Variants in LRRC1 observed in about 807,000 individuals in gnomAD.
LRRC1 encodes the protein leucine rich repeat containing 1.
In LRRC1, 28 loss-of-function variants were observed where a neutral mutation model predicts 69.9. The ratio of observed to expected loss-of-function variants is 0.40; its 90% CI spans 0.30 to 0.55. LRRC1 has a LOEUF of 0.55. Among genes scored for constraint, LRRC1 ranks in the 20% least tolerant of loss-of-function variants. LRRC1 has a pLI of 0.47. For synonymous variants in LRRC1, 236 were observed against 240.2 expected (o/e 0.98, Z 0.16); for missense variants, 498 against 609.0 (o/e 0.82, Z 1.92).
At chr6:53,805,313 G>A (rs1764606819) in intron 1 of LRRC1, among the ~76,000 whole-genome samples, 1 of 152,124 alleles carries the variant, frequency 6.6e-6, no homozygotes, top group African/African-American at 2.4e-5. Context: ...TGCAGACGGG[G>A]AGCTTTTGTG....
At chr6:53,876,715 A>G (rs760825985) in intron 2 of LRRC1, among the ~76,000 whole-genome samples, 1 of 152,202 alleles carries the variant, frequency 6.6e-6, no homozygotes, top group Non-Finnish European at 1.5e-5. Context: ...CTTTGACTCC[A>G]TGTCTCACAT....
At chr6:53,907,677 T>C (rs1353189889) in intron 10 of LRRC1, among the ~76,000 whole-genome samples, 1 of 152,162 alleles carries the variant, frequency 6.6e-6, no homozygotes, top group East Asian at 1.9e-4. Flanking sequence ...AGATTCACAT[T>C]GGCTGACTGC....
intron 4 of LRRC1, among the ~76,000 whole-genome samples, chr6:53,895,206 C>G (rs1178384508): frequency 6.6e-6 from 1 of 152,182 alleles, no homozygotes; most frequent in East Asian, 1.9e-4. Context: ...GGGTGAGCCA[C>G]CGCGCCCGGC....
chr6:53,905,324 ACT>A (rs1170265567), intron 10 of LRRC1: 1 of 136,010 alleles, frequency 7.4e-6, no homozygotes, highest in Non-Finnish European at 1.5e-5. Flanking sequence ...ACAGAGCGAG[ACT>A]CTATCTCAAA....
intron 1 of LRRC1, among the ~76,000 whole-genome samples, chr6:53,814,251 ATTG>A (rs1764884594): frequency 6.6e-6 from 1 of 152,192 alleles, no homozygotes; most frequent in African/African-American, 2.4e-5. Flanking sequence ...AATTAACTGA[ATTG>A]TTGTTAGATG....
intron 1 of LRRC1, among the ~76,000 whole-genome samples, chr6:53,799,519 A>G (rs1380228278): frequency 1.3e-5 from 2 of 152,238 alleles, no homozygotes; most frequent in African/African-American, 4.8e-5. Flanking sequence ...GTTGACACAA[A>G]GTCTTCTTTC....
Position 53,919,580 on chromosome 6 carries a change from A to G in LRRC1, c.1189A>G (p.Thr397Ala), listed in dbSNP as rs370221954. 3.1e-6 allele frequency: 5 copies of G among 1,613,676 alleles called. No individual in the cohort carries two copies. The African/African-American group carries it at 6.7e-5, about 22-fold the overall frequency. The change falls in exon 12 of 14, where the codon ACA becomes GCA. Residue 397 changes from threonine to alanine, a missense_variant. By Grantham distance (58) the Thr-to-Ala change is moderately conservative. Around this residue, in one of 3 missense-constraint regions of LRRC1, gnomAD observed 162 missense variants for 162.9 expected, o/e 0.99. Transcript: ENST00000370888. The part of the protein sequence containing the change: ...LSDNQSQPLL[T>A]FQTDTDYTTG... ...TGACAACCAGTCCCAGCCCCTGCTTACATTCCAGACAGACACAGACTACAC... is the reference window on the plus strand; with the variant it reads ...TGACAACCAGTCCCAGCCCCTGCTTGCATTCCAGACAGACACAGACTACAC...
chr6:53,880,800 T>A (rs943479909), intron 3 of LRRC1, among the ~76,000 whole-genome samples: 33 of 152,220 alleles, frequency 2.2e-4, no homozygotes, highest in African/African-American at 7.7e-4. Context: ...TTTATTATTG[T>A]GTCTTCAATG....
At chr6:53,893,023 G>A (rs1225553439) in intron 4 of LRRC1, among the ~76,000 whole-genome samples, 1 of 152,170 alleles carries the variant, frequency 6.6e-6, no homozygotes, top group Non-Finnish European at 1.5e-5. Context: ...AATGCCAGAT[G>A]TAGGGCCTGT....
At chr6:53,797,255 A>G (rs1033493406) in intron 1 of LRRC1, among the ~76,000 whole-genome samples, 1 of 152,126 alleles carries the variant, frequency 6.6e-6, no homozygotes, top group Non-Finnish European at 1.5e-5. Context: ...CACTCTGTAA[A>G]TATGGTAAAT....
chr6:53,840,571 G>A (rs1486558767), intron 1 of LRRC1, among the ~76,000 whole-genome samples: 1 of 151,784 alleles, frequency 6.6e-6, no homozygotes, highest in Non-Finnish European at 1.5e-5. Context: ...TTACTTTGTA[G>A]TACCTTGTGA....
chr6:53,863,001 CA>C (rs1766581641), intron 2 of LRRC1, among the ~76,000 whole-genome samples: 1 of 152,198 alleles, frequency 6.6e-6, no homozygotes, highest in East Asian at 1.9e-4. Flanking sequence ...GTTTGGCACA[CA>C]AGGACTTTGT....
At chr6:53,868,049 T>G (rs12204390) in intron 2 of LRRC1, among the ~76,000 whole-genome samples, 3 of 152,118 alleles carry the variant, frequency 2.0e-5, no homozygotes. Flanking sequence ...CCTTAATGAG[T>G]AGATGAAAAT....
At chr6:53,806,569 G>A (rs963151997) in intron 1 of LRRC1, among the ~76,000 whole-genome samples, 4 of 152,104 alleles carry the variant, frequency 2.6e-5, no homozygotes, top group Admixed American at 2.0e-4. Context: ...TTACCTGAGT[G>A]GTGTCAGCAA....
intron 2 of LRRC1, among the ~76,000 whole-genome samples, chr6:53,871,825 G>A (rs548463395): frequency 9.9e-5 from 15 of 152,080 alleles, no homozygotes; most frequent in Non-Finnish European, 2.1e-4. Flanking sequence ...GTGCCACCAT[G>A]CCCAGCTAAT....
chr6:53,919,703 C>T (rs1245843808), intron 12 of LRRC1, 33 bp downstream of exon 12: 2 of 1,589,010 alleles, frequency 1.3e-6, no homozygotes, highest in Non-Finnish European at 1.7e-6. Flanking sequence ...ATTCACAGGG[C>T]CACGAGATTG....
intron 1 of LRRC1, among the ~76,000 whole-genome samples, chr6:53,806,405 G>C (rs1363863899): frequency 6.6e-6 from 1 of 152,058 alleles, no homozygotes; most frequent in African/African-American, 2.4e-5. Context: ...ATGAAGAACC[G>C]GGCAGTCTAT....
chr6:53,812,349 G>C (rs1764815766), intron 1 of LRRC1, among the ~76,000 whole-genome samples: 1 of 152,114 alleles, frequency 6.6e-6, no homozygotes, highest in Non-Finnish European at 1.5e-5. Context: ...GGGAGTGAAG[G>C]ATAACAGTTG....
chr6:53,837,246 T>A (rs1765639371), intron 1 of LRRC1, among the ~76,000 whole-genome samples: 1 of 151,998 alleles, frequency 6.6e-6, no homozygotes. Flanking sequence ...TACCTAGTAG[T>A]ATAACTTCTG....
Sources: allele counts gnomAD v4.1 joint callset (sites outside exome capture counted in the v4.1 genomes callset), GRCh38; gene constraint gnomAD v4.1.1; regional missense constraint gnomAD v4.1.1; transcripts MANE v1.5; gene names NCBI Gene and HGNC (gene_info 2026-07-23, HGNC 2026-07-21).